Variants in LRFN2 observed in about 807,000 individuals in gnomAD.
LRFN2 encodes leucine rich repeat and fibronectin type III domain containing 2.
Under a neutral mutation model 37.3 loss-of-function variants are expected in LRFN2, and 18 were observed. That is an observed-to-expected ratio of 0.48 (90% CI 0.33 to 0.72). LRFN2 has a LOEUF of 0.72. LRFN2 is among the 30% of genes least tolerant of loss of function. The pLI is 0.02. For synonymous variants in LRFN2, 556 were observed against 466.6 expected (o/e 1.19, Z -2.47); for missense variants, 1,006 against 1,060.7 (o/e 0.95, Z 0.72).
At chr6:40,422,455 G>A (rs939176486) in intron 2 of LRFN2, among the ~76,000 whole-genome samples, 4 of 151,818 alleles carry the variant, frequency 2.6e-5, no homozygotes, top group African/African-American at 7.2e-5. Flanking sequence ...TTTTGGTGGG[G>A]GGATGCCACT....
chr6:40,540,200 G>A (rs73732707), intron 1 of LRFN2, among the ~76,000 whole-genome samples: 3,119 of 152,224 alleles, frequency 0.02, 114 homozygotes, highest in African/African-American at 0.068. Context: ...AGGTGCGTGC[G>A]GGGAAATACT....
At chr6:40,555,974 G>A (rs16893738) in intron 1 of LRFN2, among the ~76,000 whole-genome samples, 2,352 of 144,250 alleles carry the variant, frequency 0.016, 49 homozygotes, top group African/African-American at 0.057. Context: ...AACAAGAGGC[G>A]TAATGAAGAT....
At chr6:40,575,328 C>T (rs1244532508) in intron 1 of LRFN2, among the ~76,000 whole-genome samples, 2 of 152,144 alleles carry the variant, frequency 1.3e-5, no homozygotes, top group Admixed American at 6.6e-5. Context: ...AGCAGCTTTG[C>T]CTCTTAAACA....
chr6:40,445,310 C>A (rs1364851382), intron 1 of LRFN2, among the ~76,000 whole-genome samples: 1 of 152,216 alleles, frequency 6.6e-6, no homozygotes, highest in South Asian at 2.1e-4. Context: ...AGCTTCCACA[C>A]CTTGTTCAAT....
intron 2 of LRFN2, among the ~76,000 whole-genome samples, chr6:40,401,846 C>T (rs939656916): frequency 4.5e-4 from 69 of 152,264 alleles, no homozygotes; most frequent in African/African-American, 1.4e-3. Flanking sequence ...GTCCTCTCCT[C>T]CCTCCATCAG....
intron 1 of LRFN2, among the ~76,000 whole-genome samples, chr6:40,459,474 G>A (rs192859111): frequency 1.0e-3 from 159 of 152,270 alleles, no homozygotes; most frequent in African/African-American, 3.6e-3. Context: ...AAATTATGAT[G>A]TGTCAAGTAT....
At chr6:40,402,818 C>T (rs1030746367) in intron 2 of LRFN2, among the ~76,000 whole-genome samples, 6 of 152,160 alleles carry the variant, frequency 3.9e-5, no homozygotes, top group Non-Finnish European at 8.8e-5. Flanking sequence ...CTAATTAGAG[C>T]CAGAAATGGG....
At chr6:40,457,826 G>A (rs974166562) in intron 1 of LRFN2, among the ~76,000 whole-genome samples, 2 of 152,142 alleles carry the variant, frequency 1.3e-5, no homozygotes, top group Non-Finnish European at 2.9e-5. Context: ...AGGTCTGAGA[G>A]CTCTGTGACT....
At position 40,431,930 on chromosome 6, in the gene LRFN2, C is replaced by T. The variant is rs138155221; in HGVS notation, c.1184G>A (p.Arg395His). The T allele has an allele frequency of 2.4e-5, 38 of 1,613,108 alleles. No homozygotes were observed. Among genetic ancestry groups the T allele is most frequent in the South Asian group, 3.3e-5 (3 of 90,954 alleles). Residue 395 changes from arginine (R) to histidine (H), a missense_variant, in exon 2 of 3, where the codon CGC becomes CAC. By Grantham distance (29) the Arg-to-His change is conservative. Coordinates refer to ENST00000338305, the MANE Select transcript of LRFN2 (RefSeq NM_020737.3). ...STSRTAPPKS[R>H]LSDITGSSKT... ...GCTGGAGCCAGTGATGTCTGAGAGG[C>T]GGGACTTGGGGGGTGCAGTGCGGCT...
At chr6:40,569,434 ATCTTCACTGAGAC>A (rs1261650077) in intron 1 of LRFN2, among the ~76,000 whole-genome samples, 2 of 152,154 alleles carry the variant, frequency 1.3e-5, no homozygotes, top group African/African-American at 4.8e-5. Context: ...GGACTAGAGA[ATCTTCACTGAGAC>A]TCAGAAGTCT....
chr6:40,461,994 A>G (rs1397908677), intron 1 of LRFN2, among the ~76,000 whole-genome samples: 1 of 152,124 alleles, frequency 6.6e-6, no homozygotes, highest in Non-Finnish European at 1.5e-5. Flanking sequence ...GTCTTGCTGG[A>G]CCTCTTAATT....
chr6:40,483,378 C>T (rs1764878016), intron 1 of LRFN2, among the ~76,000 whole-genome samples: 1 of 152,196 alleles, frequency 6.6e-6, no homozygotes. Flanking sequence ...TGGTGGCACC[C>T]TAATGGCTTC....
chr6:40,549,921 C>T (rs1294989728), intron 1 of LRFN2, among the ~76,000 whole-genome samples: 1 of 152,058 alleles, frequency 6.6e-6, no homozygotes, highest in East Asian at 1.9e-4. Flanking sequence ...TTGCCTGTAG[C>T]TACCTGGGAG....
chr6:40,581,355 A>G (rs924951507), intron 1 of LRFN2, among the ~76,000 whole-genome samples: 1 of 152,222 alleles, frequency 6.6e-6, no homozygotes, highest in African/African-American at 2.4e-5. Flanking sequence ...TCTAAACCAC[A>G]GGCGAGGACA....
intron 1 of LRFN2, among the ~76,000 whole-genome samples, chr6:40,461,474 A>G (rs1764346447): frequency 6.6e-6 from 1 of 152,032 alleles, no homozygotes; most frequent in South Asian, 2.1e-4. Flanking sequence ...ATTATACCAA[A>G]TGATTTCATT....
chr6:40,572,411 G>T (rs892594978), intron 1 of LRFN2, among the ~76,000 whole-genome samples: 1 of 152,148 alleles, frequency 6.6e-6, no homozygotes, highest in South Asian at 2.1e-4. Flanking sequence ...TGTTAAATGG[G>T]GGAGTGATGT....
intron 1 of LRFN2, among the ~76,000 whole-genome samples, chr6:40,582,032 G>C (rs1767414371): frequency 6.6e-6 from 1 of 152,180 alleles, no homozygotes; most frequent in East Asian, 1.9e-4. Context: ...AAAAGGAATA[G>C]GAAGTGAGTC....
At chr6:40,565,310 C>T (rs1767068451) in intron 1 of LRFN2, among the ~76,000 whole-genome samples, 1 of 152,064 alleles carries the variant, frequency 6.6e-6, no homozygotes, top group Non-Finnish European at 1.5e-5. Flanking sequence ...CCATACTGCC[C>T]AAGGTAATTT....
chr6:40,463,269 A>G (rs1764385001), intron 1 of LRFN2, among the ~76,000 whole-genome samples: 1 of 152,220 alleles, frequency 6.6e-6, no homozygotes, highest in African/African-American at 2.4e-5. Flanking sequence ...TATTTTGTCT[A>G]CAAACAGAGC....
Sources: gnomAD v4.1 joint callset for allele counts (sites outside exome capture counted in the v4.1 genomes callset) on GRCh38, gnomAD v4.1.1 for gene constraint, MANE v1.5 for transcripts, NCBI Gene and HGNC (gene_info 2026-07-23, HGNC 2026-07-21) for gene names.